The following CERS1 variants were observed in gnomAD, a reference collection of about 807,000 sequenced individuals.
CERS1 encodes the protein Embryonic growth/differentiation factor 1.
A neutral mutation model predicts 35.7 loss-of-function variants in CERS1; 16 were observed. The ratio of observed to expected loss-of-function variants is 0.45; its 90% CI spans 0.30 to 0.68. CERS1 has a LOEUF of 0.68. CERS1 is among the 30% of genes least tolerant of loss of function. The pLI is 0.08. For synonymous variants in CERS1, 243 were observed against 201.6 expected (o/e 1.21, Z -1.74); for missense variants, 454 against 453.9 (o/e 1.00, Z 0.00).
Position 18,868,974 on chromosome 19 carries a change from G to C in CERS1, c.*1011C>G, listed in dbSNP as rs2145985553. 8.7e-7 allele frequency: 1 copy of C among 1,147,704 alleles called. No homozygotes were observed. Among genetic ancestry groups the C allele is most frequent in the East Asian group, 5.1e-5 (1 of 19,700 alleles). The allele number at this position is 1,147,704 out of a possible 1,614,324, so 71.1% of individuals were successfully genotyped here. ...TCGGCGTCGCGCCGCGGCCGGGCCA[G>C]GGGGTGGCACAGGCGCGGGTCGAGG... On this transcript the variant is annotated 3_prime_UTR_variant, in exon 8 of 8. Coordinates refer to ENST00000623882, the MANE Select transcript of CERS1 (RefSeq NM_021267.5).
intron 1 of CERS1, among the ~76,000 whole-genome samples, chr19:18,894,802 A>G (rs553612410): frequency 1.1e-4 from 17 of 151,812 alleles, no homozygotes; most frequent in African/African-American, 4.1e-4. Flanking sequence ...CCCATCATCG[A>G]CCTCACAAGG....
rs1256808034 is a variant in CERS1, at chr19:18,895,682, G to C, written c.249+142C>G. Reference sequence around the variant, plus strand: ...CCAACGTCCTGGGCCTCTCCAGCCCGAGGCCCCCACCCACGTTCCGGCGAC... The same window carrying C: ...CCAACGTCCTGGGCCTCTCCAGCCCCAGGCCCCCACCCACGTTCCGGCGAC... On this transcript the variant is annotated intron_variant, in intron 1 of 7. Transcript: ENST00000623882. This position sits in a 1 kb window ranked among gnomAD's most constrained non-coding sequence, Gnocchi z 6.4. 8.7e-6 allele frequency: 3 copies of C among 344,988 alleles called. No individual in the cohort carries two copies. Among genetic ancestry groups the C allele is most frequent in the Non-Finnish European group, 1.4e-5 (3 of 212,284 alleles). The allele number at this position is 344,988 out of a possible 1,614,324, so 21.4% of individuals were successfully genotyped here.
rs187351254 is a variant in CERS1 at position 18,886,791 on chromosome 19, T to G, written c.410-2524A>C. Among the ~76,000 whole-genome samples, 20 of 152,250 alleles carry G rather than the reference T, an allele frequency of 1.3e-4. No homozygotes were observed. The East Asian group carries it at 3.7e-3, about 28-fold the overall frequency. Reference sequence around the variant, plus strand: ...CCATGAACCGCCTCTGCGACAACTTTCATCTCGGCCTGGCCCCTTCTGCAG... The same window carrying G: ...CCATGAACCGCCTCTGCGACAACTTGCATCTCGGCCTGGCCCCTTCTGCAG... On this transcript the variant is annotated intron_variant, in intron 2 of 7. Coordinates refer to ENST00000623882, the MANE Select transcript of CERS1 (RefSeq NM_021267.5).
chr19:18,888,300 A>C (rs2056408284), intron 2 of CERS1, among the ~76,000 whole-genome samples: 1 of 151,594 alleles, frequency 6.6e-6, no homozygotes, highest in African/African-American at 2.4e-5. Context: ...CAGAGGTTGC[A>C]GTGAGCTGAG....
rs760904067 is a variant in CERS1, at chr19:18,893,441, G to A, written c.384C>T (p.Phe128=). Reference sequence around the variant, plus strand: ...CGTAGAAGACAGATGGTGGGTCATGGAAGAAGGGGTAGTCGGTGCCAAACA... The same window carrying A: ...CGTAGAAGACAGATGGTGGGTCATGAAAGAAGGGGTAGTCGGTGCCAAACA... ...YLLFGTDYPF[F]HDPPSVFYDW... is the part of the protein sequence containing the mutation. The change falls in exon 2 of 8, where the codon TTC becomes TTT. Residue 128 remains phenylalanine (F), a synonymous_variant. Coordinates refer to ENST00000623882, the MANE Select transcript of CERS1 (RefSeq NM_021267.5). 1 of 1,605,700 alleles carries A rather than the reference G, an allele frequency of 6.2e-7. No individual in the cohort carries two copies. Among genetic ancestry groups the A allele is most frequent in the South Asian group, 1.1e-5 (1 of 89,440 alleles).
intron 3 of CERS1, 90 bp from the exon 4 acceptor site, chr19:18,880,525 C>T: frequency 3.8e-6 from 5 of 1,313,848 alleles, no homozygotes; most frequent in East Asian, 2.6e-5. Context: ...CCCTGGGCTA[C>T]ACCTCAGGCT....
In CERS1 at chr19:18,868,636, C is replaced by T. The variant is rs868686446; in HGVS notation, c.*1349G>A. 1 of 1,574,360 alleles carries T rather than the reference C, an allele frequency of 6.4e-7. No individual in the cohort carries two copies. Among genetic ancestry groups the T allele is most frequent in the Non-Finnish European group, 8.6e-7 (1 of 1,160,108 alleles). ...ACTCGTCCACCACCATGTCCTCATACTGCCGCAGCACCACGTTGTCGCTGT... is the reference window on the plus strand; with the variant it reads ...ACTCGTCCACCACCATGTCCTCATATTGCCGCAGCACCACGTTGTCGCTGT... On this transcript the variant is annotated 3_prime_UTR_variant, in exon 8 of 8. Transcript: ENST00000623882.
At position 18,896,034 on chromosome 19, in the gene CERS1, G is replaced by A. The variant is rs1192132050; in HGVS notation, c.39C>T (p.Pro13=). 18 of 991,954 alleles carry A rather than the reference G, an allele frequency of 1.8e-5. No homozygotes were observed. The highest frequency in any genetic ancestry group is 2.2e-5 in the Non-Finnish European group (18 of 836,002). The allele number at this position is 991,954 out of a possible 1,614,324, so 61.4% of individuals were successfully genotyped here. ...AAGPAAGPTG[P]EPMPSYAQLV... is the part of the protein sequence containing the mutation. ...GCTGCGCGTAGCTCGGCATGGGCTCGGGCCCCGTCGGCCCCGCCGCGGGCC... is the reference window on the plus strand; with the variant it reads ...GCTGCGCGTAGCTCGGCATGGGCTCAGGCCCCGTCGGCCCCGCCGCGGGCC... The change falls in exon 1 of 8, where the codon CCC becomes CCT. Residue 13 remains proline, a synonymous_variant. Coordinates refer to ENST00000623882, the MANE Select transcript of CERS1 (RefSeq NM_021267.5). This position sits in a 1 kb window ranked among gnomAD's most constrained non-coding sequence, Gnocchi z 5.9.
intron 6 of CERS1, among the ~76,000 whole-genome samples, chr19:18,873,949 T>A (rs1352991745): frequency 6.6e-6 from 1 of 150,836 alleles, no homozygotes; most frequent in African/African-American, 2.4e-5. Context: ...GGGAGGAAGA[T>A]GGGGCACAGC....
At chr19:18,872,560 G>A (rs961846574) in intron 6 of CERS1, among the ~76,000 whole-genome samples, 4 of 151,458 alleles carry the variant, frequency 2.6e-5, no homozygotes, top group African/African-American at 9.7e-5. Flanking sequence ...TTGTCCCCCA[G>A]GCGGGAATGC....
Position 18,878,825 on chromosome 19 carries a change from G to A in CERS1, c.1010+105C>T, listed in dbSNP as rs1233770174. On this transcript the variant is annotated intron_variant, in intron 6 of 7. Transcript: ENST00000623882. The surrounding 1 kb of genome is among the most constrained non-coding windows in gnomAD (Gnocchi z 4.6). The stretch of plus-strand genomic sequence containing the variant: ...GGAGTAGGCTTGGGGGGCAGCATCC[G>A]CGTCGGCCTCATCTGCTGCTGGGTC... 1.5e-5 allele frequency: 22 copies of A among 1,511,402 alleles called. No homozygotes were observed. The highest frequency in any genetic ancestry group is 5.0e-5 in the South Asian group (4 of 79,730). 93.6% of individuals were successfully genotyped at this position (1,511,402 alleles called of 1,614,324 possible).
Position 18,868,692 on chromosome 19 carries a change from G to T in CERS1, c.*1293C>A, listed in dbSNP as rs769083453. ...AAGAAGAGCACGGAGATGGGCGACA[G>T]GCGCGCGGGCACGCAGCAGGGCAGG... On this transcript the variant is annotated 3_prime_UTR_variant, in exon 8 of 8. Coordinates refer to ENST00000623882, the MANE Select transcript of CERS1 (RefSeq NM_021267.5). 1 of 1,560,446 alleles carries T rather than the reference G, an allele frequency of 6.4e-7. No homozygotes were observed. The highest frequency in any genetic ancestry group is 8.7e-7 in the Non-Finnish European group (1 of 1,152,168).
At chr19:18,883,581 T>C (rs905899412) in intron 3 of CERS1, among the ~76,000 whole-genome samples, 2 of 151,998 alleles carry the variant, frequency 1.3e-5, no homozygotes, top group Non-Finnish European at 2.9e-5. Flanking sequence ...ATATTTTCAC[T>C]CGTTTGTATG....
At chr19:18,876,061 T>C (rs1358351733) in intron 6 of CERS1, among the ~76,000 whole-genome samples, 3 of 152,246 alleles carry the variant, frequency 2.0e-5, no homozygotes, top group Admixed American at 1.3e-4. Context: ...TTTTTTTCAC[T>C]GCAACCTCTG....
At chr19:18,880,540 G>A (rs1166178208) in intron 3 of CERS1, 105 bp from the exon 4 acceptor site, 21 of 1,171,848 alleles carry the variant, frequency 1.8e-5, no homozygotes, top group Middle Eastern at 3.0e-4. Context: ...CAGGCTCCCC[G>A]TGGGCCTCTT....
At chr19:18,874,407 C>T (rs2056026412) in intron 6 of CERS1, among the ~76,000 whole-genome samples, 1 of 152,186 alleles carries the variant, frequency 6.6e-6, no homozygotes, top group Admixed American at 6.5e-5. Context: ...GGGCTCAAGC[C>T]ATCCTCCAGC....
intron 3 of CERS1, among the ~76,000 whole-genome samples, chr19:18,883,688 A>G (rs1402218984): frequency 1.3e-5 from 2 of 152,228 alleles, no homozygotes; most frequent in Non-Finnish European, 2.9e-5. Flanking sequence ...GGTTGGCTCT[A>G]GAACATCAGG....
intron 3 of CERS1, 148 bp from the exon 4 acceptor site, chr19:18,880,583 C>T (rs978379725): frequency 5.5e-6 from 4 of 723,492 alleles, no homozygotes; most frequent in East Asian, 2.9e-5. Flanking sequence ...CCTGCCCTGC[C>T]CATCTCCACT....
upstream of CERS1, among the ~76,000 whole-genome samples, chr19:18,896,934 G>C (rs954295777): frequency 2.0e-5 from 3 of 151,656 alleles, no homozygotes; most frequent in African/African-American, 7.3e-5. The surrounding 1 kb of genome is among the most constrained non-coding windows in gnomAD (Gnocchi z 5.9). Context: ...CGGGGGGGGG[G>C]CTCCCCAACA....
Sources: gnomAD v4.1 joint callset for allele counts (sites outside exome capture counted in the v4.1 genomes callset) on GRCh38, gnomAD v4.1.1 for gene constraint, Gnocchi (gnomAD v3.1) non-coding constraint, MANE v1.5 for transcripts, NCBI Gene and HGNC (gene_info 2026-07-23, HGNC 2026-07-21) for gene names.